Variants in PRR5L observed in about 807,000 individuals in gnomAD.
PRR5L encodes the protein proline rich 5 like, also known as proline-rich protein 5-like.
Under a neutral mutation model 36.4 loss-of-function variants are expected in PRR5L, and 21 were observed. The ratio of observed to expected loss-of-function variants is 0.58; its 90% CI spans 0.41 to 0.83. The LOEUF is 0.83. Ranked by LOEUF, PRR5L falls within the 40% of genes least tolerant of loss-of-function variation. The pLI is 0.00. For missense variants in PRR5L, 381 were observed against 473.3 expected, an observed-to-expected ratio of 0.80 and a Z score of 1.81; for synonymous variants, 188 against 197.0, an observed-to-expected ratio of 0.95 and a Z score of 0.38.
At chr11:36,358,601 A>T (rs1449725801) in intron 1 of PRR5L, among the ~76,000 whole-genome samples, 1 of 152,198 alleles carries the variant, frequency 6.6e-6, no homozygotes, top group Non-Finnish European at 1.5e-5. Flanking sequence ...GACTCACTTT[A>T]TTGTGATATT....
At chr11:36,358,030 A>G (rs1287953380) in intron 1 of PRR5L, among the ~76,000 whole-genome samples, 1 of 152,226 alleles carries the variant, frequency 6.6e-6, no homozygotes, top group Non-Finnish European at 1.5e-5. Context: ...TTGAAACCTC[A>G]GCATTAACAG....
intron 1 of PRR5L, among the ~76,000 whole-genome samples, chr11:36,309,972 C>G (rs923871317): frequency 6.6e-6 from 1 of 152,286 alleles, no homozygotes; most frequent in Admixed American, 6.5e-5. Flanking sequence ...ACTACCACCA[C>G]CACCATCATC....
chr11:36,351,864 C>A (rs559273800), intron 1 of PRR5L, among the ~76,000 whole-genome samples: 1 of 146,050 alleles, frequency 6.8e-6, no homozygotes, highest in African/African-American at 2.5e-5. Flanking sequence ...TTTGCAATTG[C>A]GAATTGTGCG....
At chr11:36,343,884 T>C (rs1856840130) in intron 1 of PRR5L, among the ~76,000 whole-genome samples, 2 of 151,588 alleles carry the variant, frequency 1.3e-5, no homozygotes, top group South Asian at 4.2e-4. Context: ...CTTTTTACAA[T>C]GTAGAAATAA....
At chr11:36,325,649 G>A (rs1160174709) in intron 1 of PRR5L, among the ~76,000 whole-genome samples, 1 of 152,128 alleles carries the variant, frequency 6.6e-6, no homozygotes, top group Non-Finnish European at 1.5e-5. Context: ...GATTGGTCGG[G>A]TGTGAGCTGA....
At chr11:36,332,556 A>G (rs1169553115) in intron 1 of PRR5L, among the ~76,000 whole-genome samples, 1 of 152,160 alleles carries the variant, frequency 6.6e-6, no homozygotes, top group African/African-American at 2.4e-5. Flanking sequence ...TCCATCTGCT[A>G]TGGTTTGGAC....
At chr11:36,394,585 CT>C (rs1158007368) in intron 1 of PRR5L, among the ~76,000 whole-genome samples, 1 of 152,134 alleles carries the variant, frequency 6.6e-6, no homozygotes, top group African/African-American at 2.4e-5. Flanking sequence ...GGGGAATCTG[CT>C]TCTTTTCTCT....
intron 1 of PRR5L, among the ~76,000 whole-genome samples, chr11:36,306,567 C>T (rs144692866): frequency 3.4e-4 from 52 of 152,254 alleles, no homozygotes; most frequent in Admixed American, 6.5e-4. Flanking sequence ...CTACTACCTT[C>T]GTTGTTGCTT....
At chr11:36,439,381 A>G (rs926448481) in intron 6 of PRR5L, among the ~76,000 whole-genome samples, 3 of 152,166 alleles carry the variant, frequency 2.0e-5, no homozygotes. Context: ...GAGCCCAGAC[A>G]TGTGGGTCTA....
chr11:36,361,335 C>A (rs917494981), intron 1 of PRR5L, among the ~76,000 whole-genome samples: 1 of 152,054 alleles, frequency 6.6e-6, no homozygotes, highest in African/African-American at 2.4e-5. Flanking sequence ...GCTATATATA[C>A]CTTTTGCTTT....
intron 3 of PRR5L, among the ~76,000 whole-genome samples, chr11:36,409,251 G>A (rs1424024990): frequency 6.6e-6 from 1 of 152,164 alleles, no homozygotes; most frequent in Non-Finnish European, 1.5e-5. Context: ...CAAACTCCCT[G>A]GGAGGACTTT....
intron 1 of PRR5L, among the ~76,000 whole-genome samples, chr11:36,359,935 T>C (rs1348626370): frequency 1.3e-5 from 2 of 151,768 alleles, no homozygotes; most frequent in Non-Finnish European, 2.9e-5. Flanking sequence ...TACTAGGAAG[T>C]CTGAGACATA....
chr11:36,361,440 G>A (rs1857086714), intron 1 of PRR5L, among the ~76,000 whole-genome samples: 1 of 152,080 alleles, frequency 6.6e-6, no homozygotes, highest in African/African-American at 2.4e-5. Context: ...AAATAACCAA[G>A]GATTTTCTCA....
intron 8 of PRR5L, among the ~76,000 whole-genome samples, chr11:36,457,402 C>T (rs537545438): frequency 6.6e-4 from 101 of 152,156 alleles, no homozygotes; most frequent in African/African-American, 2.4e-3. Flanking sequence ...GTCAGGAATT[C>T]GAGACCATCC....
intron 1 of PRR5L, among the ~76,000 whole-genome samples, chr11:36,342,259 C>G (rs2133481508): frequency 6.6e-6 from 1 of 152,272 alleles, no homozygotes; most frequent in Admixed American, 6.5e-5. Flanking sequence ...TTATTATCAC[C>G]ATTATCTTTA....
At chr11:36,378,336 C>G (rs1857313089) in intron 1 of PRR5L, among the ~76,000 whole-genome samples, 1 of 152,158 alleles carries the variant, frequency 6.6e-6, no homozygotes, top group Non-Finnish European at 1.5e-5. Context: ...GGTTGCAGCC[C>G]TAGAATCAGG....
chr11:36,413,327 C>G (rs1303741530), intron 3 of PRR5L, among the ~76,000 whole-genome samples: 2 of 152,142 alleles, frequency 1.3e-5, no homozygotes, highest in Admixed American at 6.5e-5. Flanking sequence ...GTGGGATTCT[C>G]TGTTAGCTGG....
intron 1 of PRR5L, among the ~76,000 whole-genome samples, chr11:36,334,352 GTTC>G (rs1411720132): frequency 6.6e-6 from 1 of 152,154 alleles, no homozygotes; most frequent in Non-Finnish European, 1.5e-5. Flanking sequence ...TCTACTTAAA[GTTC>G]TTCTGTGGCT....
intron 1 of PRR5L, among the ~76,000 whole-genome samples, chr11:36,366,718 G>GC (rs1857147720): frequency 6.6e-6 from 1 of 152,166 alleles, no homozygotes; most frequent in African/African-American, 2.4e-5. Context: ...GTATTATGGT[G>GC]CCTAGGACGC....
Sources: gnomAD v4.1 joint callset for allele counts (sites outside exome capture counted in the v4.1 genomes callset) on GRCh38, gnomAD v4.1.1 for gene constraint, MANE v1.5 for transcripts, NCBI Gene and HGNC (gene_info 2026-07-23, HGNC 2026-07-21) for gene names.